Variants in ARHGAP44 observed in about 807,000 individuals in gnomAD.
ARHGAP44 encodes Rho GTPase activating protein 44.
In ARHGAP44, 43 loss-of-function variants were observed where a neutral mutation model predicts 106.8. The ratio of observed to expected loss-of-function variants is 0.40; its 90% CI spans 0.32 to 0.52. The LOEUF (loss-of-function observed/expected upper bound fraction) is 0.52, where lower values mean the gene tolerates loss of function less well. ARHGAP44 is among the 20% of genes least tolerant of loss of function. ARHGAP44 has a pLI of 0.48. For synonymous variants in ARHGAP44, 439 were observed against 410.3 expected, an observed-to-expected ratio of 1.07 and a Z score of -0.85; for missense variants, 866 against 1,050.5, an observed-to-expected ratio of 0.82 and a Z score of 2.43.
chr17:12,874,278 C>T (rs1474629485), intron 1 of ARHGAP44, among the ~76,000 whole-genome samples: 2 of 152,154 alleles, frequency 1.3e-5, no homozygotes, highest in African/African-American at 2.4e-5. Context: ...GGCTGAAGAC[C>T]GGGTCACATG....
At chr17:12,962,108 A>G (rs1325584741) in intron 16 of ARHGAP44, among the ~76,000 whole-genome samples, 3 of 151,930 alleles carry the variant, frequency 2.0e-5, no homozygotes, top group African/African-American at 7.2e-5. Context: ...TTATATATCA[A>G]TAAAGCAGAT....
intron 1 of ARHGAP44, among the ~76,000 whole-genome samples, chr17:12,851,354 C>T (rs1264818881): frequency 6.6e-6 from 1 of 152,180 alleles, no homozygotes; most frequent in Non-Finnish European, 1.5e-5. Context: ...TTTTCATTTA[C>T]AGAGAAGTCT....
chr17:12,812,844 G>T (rs995256330), intron 1 of ARHGAP44, among the ~76,000 whole-genome samples: 1 of 152,114 alleles, frequency 6.6e-6, no homozygotes, highest in African/African-American at 2.4e-5. Flanking sequence ...GCTACTCTTT[G>T]AACTGACCTT....
intron 1 of ARHGAP44, among the ~76,000 whole-genome samples, chr17:12,880,334 C>T (rs1410762674): frequency 6.6e-6 from 1 of 152,004 alleles, no homozygotes; most frequent in Non-Finnish European, 1.5e-5. Flanking sequence ...CTTCCCAAAC[C>T]CAGTCTCTTT....
chr17:12,954,612 G>A (rs992392438), intron 13 of ARHGAP44, among the ~76,000 whole-genome samples: 1 of 152,152 alleles, frequency 6.6e-6, no homozygotes, highest in African/African-American at 2.4e-5. Context: ...ACGAAGGTGA[G>A]CAGAAAATCC....
chr17:12,945,746 T>C (rs1385867462), intron 10 of ARHGAP44, among the ~76,000 whole-genome samples: 2 of 152,240 alleles, frequency 1.3e-5, no homozygotes, highest in Non-Finnish European at 2.9e-5. Flanking sequence ...ACACATTTTA[T>C]ATGCCAGGCA....
intron 10 of ARHGAP44, among the ~76,000 whole-genome samples, chr17:12,948,195 CCTCTT>C (rs1228806251): frequency 6.6e-6 from 1 of 152,230 alleles, no homozygotes; most frequent in Admixed American, 6.5e-5. Context: ...ACAGCCCTCT[CCTCTT>C]CTCTTTCGCT....
intron 4 of ARHGAP44, among the ~76,000 whole-genome samples, chr17:12,909,643 G>T (rs1200916199): frequency 6.6e-6 from 1 of 152,122 alleles, no homozygotes; most frequent in Non-Finnish European, 1.5e-5. Context: ...CACCCAGAAT[G>T]AAGGGAATGA....
At chr17:12,973,976 C>T in intron 17 of ARHGAP44, 113 bp from the exon 18 acceptor site, 2 of 1,169,110 alleles carry the variant, frequency 1.7e-6, no homozygotes, top group Non-Finnish European at 2.5e-6. Flanking sequence ...CCCCGGGGTG[C>T]TAAAGCTGCG....
chr17:12,888,289 A>C (rs2036940460), intron 1 of ARHGAP44, among the ~76,000 whole-genome samples: 1 of 152,004 alleles, frequency 6.6e-6, no homozygotes. Flanking sequence ...CAACATTTTT[A>C]CATGTTATGT....
At chr17:12,859,877 G>A (rs1363067419) in intron 1 of ARHGAP44, among the ~76,000 whole-genome samples, 1 of 152,146 alleles carries the variant, frequency 6.6e-6, no homozygotes, top group African/African-American at 2.4e-5. Context: ...GAAAGGAGTG[G>A]GCAAAGCAAA....
chr17:12,849,814 C>T (rs2150845646), intron 1 of ARHGAP44, among the ~76,000 whole-genome samples: 1 of 152,096 alleles, frequency 6.6e-6, no homozygotes, highest in African/African-American at 2.4e-5. Flanking sequence ...TTATTTATAA[C>T]TTTGCTTTCT....
chr17:12,827,713 G>C (rs576573970), intron 1 of ARHGAP44, among the ~76,000 whole-genome samples: 3 of 152,148 alleles, frequency 2.0e-5, no homozygotes, highest in South Asian at 4.2e-4. Context: ...ATACAGTTAT[G>C]CTATATTTTA....
rs2150744997 is a variant in ARHGAP44 at position 12,789,911 on chromosome 17, C to T, written c.53+20C>T. 6.6e-7 allele frequency: 1 copy of T among 1,509,868 alleles called. No individual in the cohort carries two copies. The highest frequency in any genetic ancestry group is 8.8e-7 in the Non-Finnish European group (1 of 1,130,862). 93.5% of individuals were successfully genotyped at this position (1,509,868 alleles called of 1,614,324 possible). A position where few individuals can be genotyped will look rare whatever the true frequency, so the allele number is the denominator to read the frequency against. ...GGGCAGGTAGGTCACCCGCGGGCAC[C>T]GCTGTCGGTGCGCGCCCGCGAGGCT... On this transcript the variant is annotated intron_variant, in intron 1 of 20. Transcript: ENST00000379672.
chr17:12,924,570 GT>G (rs1261141249), intron 6 of ARHGAP44, among the ~76,000 whole-genome samples: 1 of 152,150 alleles, frequency 6.6e-6, no homozygotes. Flanking sequence ...GGACTGAATG[GT>G]ATCTCTCCAA....
intron 5 of ARHGAP44, 85 bp downstream of exon 5, chr17:12,916,096 A>T (rs913447511): frequency 1.8e-6 from 2 of 1,106,538 alleles, no homozygotes; most frequent in Non-Finnish European, 2.7e-6. Flanking sequence ...CCAGCATTCT[A>T]CTTCTTTCCC....
At chr17:12,801,045 G>GT (rs894753118) in intron 1 of ARHGAP44, among the ~76,000 whole-genome samples, 3 of 152,014 alleles carry the variant, frequency 2.0e-5, no homozygotes, top group African/African-American at 4.8e-5. Flanking sequence ...CTTTCACTTT[G>GT]TTTTTTTTAT....
intron 7 of ARHGAP44, among the ~76,000 whole-genome samples, chr17:12,934,888 T>G (rs1368785943): frequency 1.3e-5 from 2 of 152,196 alleles, no homozygotes; most frequent in Non-Finnish European, 2.9e-5. Context: ...ACAAGGAGGC[T>G]GGACACAGCC....
chr17:12,875,291 T>G (rs1302714481), intron 1 of ARHGAP44, among the ~76,000 whole-genome samples: 1 of 152,194 alleles, frequency 6.6e-6, no homozygotes, highest in Non-Finnish European at 1.5e-5. Flanking sequence ...TAGATTCATT[T>G]TCTTGTATAA....
Sources: gnomAD v4.1 joint callset for allele counts (sites outside exome capture counted in the v4.1 genomes callset) on GRCh38, gnomAD v4.1.1 for gene constraint, MANE v1.5 for transcripts, NCBI Gene and HGNC (gene_info 2026-07-23, HGNC 2026-07-21) for gene names.